The following TBCK variants were observed in gnomAD, a reference collection of about 807,000 sequenced individuals.
The protein encoded by TBCK is TBC domain-containing protein kinase-like protein.
A neutral mutation model predicts 113.4 loss-of-function variants in TBCK; 99 were observed. That is an observed-to-expected ratio of 0.87 (90% CI 0.74 to 1.03). The LOEUF (loss-of-function observed/expected upper bound fraction) is 1.03, where lower values mean the gene tolerates loss of function less well. Ranked by LOEUF, TBCK falls within the 50% of genes least tolerant of loss-of-function variation. TBCK has a pLI of 0.00. For synonymous variants in TBCK, 369 were observed against 370.8 expected, an observed-to-expected ratio of 1.00 and a Z score of 0.05; for missense variants, 1,045 against 1,061.3, an observed-to-expected ratio of 0.98 and a Z score of 0.21.
At chr4:106,240,087 C>A (rs565341315) in intron 12 of TBCK, among the ~76,000 whole-genome samples, 90 of 151,932 alleles carry the variant, frequency 5.9e-4, no homozygotes, top group Admixed American at 1.2e-3. Context: ...CATTGAAAAA[C>A]CCCATCAACA....
intron 22 of TBCK, among the ~76,000 whole-genome samples, chr4:106,189,724 TATTTC>T (rs1190192784): frequency 6.6e-6 from 1 of 152,198 alleles, no homozygotes; most frequent in Non-Finnish European, 1.5e-5. Flanking sequence ...TTTAAATACT[TATTTC>T]ATTACTTCAA....
At chr4:106,296,984 C>A (rs72660521) in intron 2 of TBCK, among the ~76,000 whole-genome samples, 11,657 of 151,498 alleles carry the variant, frequency 0.077, 509 homozygotes, top group Middle Eastern at 0.18. Context: ...TATCAGAAAA[C>A]CAAAAGAAGA....
At chr4:106,089,474 A>G (rs534797099) in intron 25 of TBCK, among the ~76,000 whole-genome samples, 1 of 152,270 alleles carries the variant, frequency 6.6e-6, no homozygotes, top group African/African-American at 2.4e-5. Flanking sequence ...TCCTCCTCAC[A>G]TATCAGAATA....
intron 12 of TBCK, chr4:106,237,549 T>C (rs1759611551): frequency 4.4e-6 from 2 of 455,320 alleles, no homozygotes; most frequent in Non-Finnish European, 8.8e-6. Context: ...CTATGGGGAT[T>C]GACATAGAAA....
chr4:106,272,699 G>C (rs1763625535), intron 3 of TBCK, among the ~76,000 whole-genome samples: 1 of 151,676 alleles, frequency 6.6e-6, no homozygotes, highest in African/African-American at 2.4e-5. Context: ...GTTTCACCGT[G>C]TTAGCCAGGA....
chr4:106,137,489 A>T (rs927773539), intron 23 of TBCK, among the ~76,000 whole-genome samples: 1 of 140,620 alleles, frequency 7.1e-6, no homozygotes, highest in African/African-American at 2.5e-5. Flanking sequence ...AGGAATTTTA[A>T]CAAGAAAAGT....
In TBCK at chr4:106,218,031, A is replaced by G. The variant is rs2149925648; in HGVS notation, c.1775-5196T>C. Among the ~76,000 whole-genome samples the G allele has an allele frequency of 1.4e-5, 2 of 144,336 alleles. 1 individual carries two copies. Among genetic ancestry groups the G allele is most frequent in the South Asian group, 4.7e-4 (2 of 4,272 alleles). The allele number at this position is 144,336 out of a possible 152,430, so 94.7% of individuals were successfully genotyped here. ...GGTACCAAAACAGAGATATAGATCA[A>G]TGGAACAGAATAGAGCCCTCAGAAA... On this transcript the variant is annotated intron_variant, in intron 19 of 25. Coordinates refer to ENST00000394708, the MANE Select transcript of TBCK (RefSeq NM_001163435.3).
At chr4:106,068,987 G>A (rs922510118) in intron 25 of TBCK, among the ~76,000 whole-genome samples, 2 of 91,580 alleles carry the variant, frequency 2.2e-5, no homozygotes, top group African/African-American at 7.6e-5. Flanking sequence ...TTTTTGATGG[G>A]GTTGTTTGAT....
At chr4:106,195,514 G>A (rs1266147953) in intron 20 of TBCK, among the ~76,000 whole-genome samples, 1 of 150,514 alleles carries the variant, frequency 6.6e-6, no homozygotes, top group African/African-American at 2.4e-5. Flanking sequence ...GTGTGTTTGT[G>A]TGTGATGGTG....
chr4:106,160,019 T>TG (rs1319793155), intron 23 of TBCK, among the ~76,000 whole-genome samples: 5 of 152,006 alleles, frequency 3.3e-5, no homozygotes, highest in Non-Finnish European at 7.4e-5. Context: ...GACCATTCAG[T>TG]GGGGTAAAGA....
intron 19 of TBCK, among the ~76,000 whole-genome samples, chr4:106,225,353 G>A (rs998481192): frequency 1.3e-5 from 2 of 152,116 alleles, no homozygotes; most frequent in African/African-American, 4.8e-5. Flanking sequence ...TTAATACTTA[G>A]AGAAACAAGC....
At chr4:106,118,325 T>G (rs1743804814) in intron 23 of TBCK, among the ~76,000 whole-genome samples, 1 of 152,232 alleles carries the variant, frequency 6.6e-6, no homozygotes, top group East Asian at 1.9e-4. Context: ...GTACTCTGAA[T>G]TTTTCAGTGG....
At chr4:106,046,727 T>A in intron 25 of TBCK, 47 bp from the exon 26 acceptor site, 1 of 885,150 alleles carries the variant, frequency 1.1e-6, no homozygotes, top group Non-Finnish European at 1.8e-6. Flanking sequence ...ACAGAAGACA[T>A]CTCCAACCTC....
At chr4:106,299,167 C>T (rs539666666) in intron 2 of TBCK, among the ~76,000 whole-genome samples, 3 of 152,228 alleles carry the variant, frequency 2.0e-5, no homozygotes, top group Non-Finnish European at 2.9e-5. Context: ...TCACCTACAA[C>T]ATATAGGCAT....
chr4:106,179,964 T>C (rs953295739), intron 22 of TBCK, among the ~76,000 whole-genome samples: 3 of 152,092 alleles, frequency 2.0e-5, no homozygotes, highest in Non-Finnish European at 4.4e-5. Flanking sequence ...TCTTGCTATA[T>C]TGACTTTTAT....
chr4:106,164,530 AAT>A (rs1346909089), intron 23 of TBCK: 2 of 151,822 alleles, frequency 1.3e-5, no homozygotes, highest in Admixed American at 6.6e-5. Context: ...GATATATATT[AAT>A]ATATATGTTT....
At chr4:106,305,784 C>CA (rs1767454783) in intron 2 of TBCK, among the ~76,000 whole-genome samples, 1 of 152,120 alleles carries the variant, frequency 6.6e-6, no homozygotes, top group African/African-American at 2.4e-5. Flanking sequence ...AGCTAAAACC[C>CA]ATCAAAACCA....
chr4:106,304,247 T>C (rs1283248455), intron 2 of TBCK, among the ~76,000 whole-genome samples: 6 of 152,130 alleles, frequency 3.9e-5, no homozygotes, highest in African/African-American at 1.2e-4. Flanking sequence ...CATTCTTCAG[T>C]GTACCTCCCT....
intron 25 of TBCK, among the ~76,000 whole-genome samples, chr4:106,057,973 A>G (rs1006808380): frequency 6.6e-6 from 1 of 151,774 alleles, no homozygotes; most frequent in African/African-American, 2.4e-5. Flanking sequence ...AGTACTTGAC[A>G]CTAGTGTTTT....
Sources: gnomAD v4.1 joint callset for allele counts (sites outside exome capture counted in the v4.1 genomes callset) on GRCh38, gnomAD v4.1.1 for gene constraint, MANE v1.5 for transcripts, NCBI Gene and HGNC (gene_info 2026-07-23, HGNC 2026-07-21) for gene names.